The following COL18A1 variants were observed in gnomAD, a reference collection of about 807,000 sequenced individuals.
The protein encoded by COL18A1 is collagen alpha-1(XVIII) chain.
COL18A1 carries 133 observed loss-of-function variants against 168.0 expected under a neutral mutation model. The ratio of observed to expected loss-of-function variants is 0.79; its 90% confidence interval spans 0.69 to 0.91. The LOEUF is 0.91. Among genes scored for constraint, COL18A1 ranks in the 40% least tolerant of loss-of-function variants. The pLI is 0.00. For synonymous variants in COL18A1, 949 were observed against 809.0 expected, an observed-to-expected ratio of 1.17 and a Z score of -2.94; for missense variants, 2,126 against 1,925.4, an observed-to-expected ratio of 1.10 and a Z score of -1.95.
chr21:45,488,148 G>A (rs2145969897), intron 17 of COL18A1, among the ~76,000 whole-genome samples: 1 of 152,364 alleles, frequency 6.6e-6, no homozygotes, highest in South Asian at 2.1e-4. Flanking sequence ...ACAGCGTCCA[G>A]CTTCATGCTC....
intron 2 of COL18A1, among the ~76,000 whole-genome samples, chr21:45,417,753 G>A (rs182193265): frequency 9.2e-5 from 14 of 152,226 alleles, no homozygotes; most frequent in African/African-American, 2.9e-4. Flanking sequence ...AGCCACTGTG[G>A]TCTGGGCAGA....
intron 19 of COL18A1, 27 bp downstream of exon 19, chr21:45,489,548 C>T (rs373573267): frequency 1.1e-4 from 170 of 1,545,896 alleles, no homozygotes; most frequent in Middle Eastern, 1.7e-4. Context: ...GGTTCAGGGA[C>T]GTGGCCAGGC....
chr21:45,480,885 C>T lies in COL18A1; in HGVS notation c.1611+27C>T, dbSNP rs376911739. 90 of 1,597,618 alleles carry T rather than the reference C, an allele frequency of 5.6e-5. 1 individual carries two copies. The Admixed American group carries it at 6.4e-4, about 11-fold the overall frequency. ...TAAGTCCTGCCTCCACCGTCAGTGT[C>T]GGGAGCCCTGTCTGCTGGGAGTGAG... On this transcript the variant is annotated intron_variant, in intron 13 of 41. Transcript: ENST00000651438.
At chr21:45,482,875 G>A (rs2035948810) in intron 15 of COL18A1, 54 bp downstream of exon 15, 4 of 1,613,668 alleles carry the variant, frequency 2.5e-6, no homozygotes, top group Non-Finnish European at 3.4e-6. Context: ...CCCACTCAGT[G>A]CTCGGACCCC....
Position 45,480,067 on chromosome 21 carries a change from C to T in COL18A1, c.1312-3C>T. On this transcript the variant is annotated splice_polypyrimidine_tract_variant and splice_region_variant and intron_variant, in intron 10 of 41. Transcript: ENST00000651438. The stretch of plus-strand genomic sequence containing the variant: ...GTATGATAGGCTTGTCTTGTGTTCC[C>T]AGGGAGACCCTGGGGTTGGAGAGAG... The T allele has an allele frequency of 6.2e-7, 1 of 1,611,000 alleles. No homozygotes were observed. Among genetic ancestry groups the T allele is most frequent in the Non-Finnish European group, 8.5e-7 (1 of 1,177,498 alleles).
rs1431636563 is a variant in COL18A1, at chr21:45,513,451, C to A, written c.*1053C>A. ...GGGACTGAAGGGGAACCCCGGGGTGCCCACAGGCCGCCCTGCGGGTGAACA... is the reference window on the plus strand; with the variant it reads ...GGGACTGAAGGGGAACCCCGGGGTGACCACAGGCCGCCCTGCGGGTGAACA... On this transcript the variant is annotated 3_prime_UTR_variant, in exon 42 of 42. Coordinates refer to ENST00000651438, the MANE Select transcript of COL18A1 (RefSeq NM_001379500.1). 2 of 152,218 alleles carry A rather than the reference C, an allele frequency of 1.3e-5. No homozygotes were observed. Among genetic ancestry groups the A allele is most frequent in the African/African-American group, 4.8e-5 (2 of 41,446 alleles). 9.4% of individuals were successfully genotyped at this position (152,218 alleles called of 1,614,324 possible).
intron 2 of COL18A1, among the ~76,000 whole-genome samples, chr21:45,435,454 C>A (rs1187356171): frequency 1.3e-5 from 2 of 152,082 alleles, no homozygotes; most frequent in Non-Finnish European, 2.9e-5. Flanking sequence ...CCATGGAGTC[C>A]TGGCCTTCCC....
chr21:45,438,245 C>T (rs1449711934), intron 2 of COL18A1, among the ~76,000 whole-genome samples: 1 of 118,088 alleles, frequency 8.5e-6, no homozygotes, highest in Admixed American at 8.1e-5. Flanking sequence ...CAGGCACTCT[C>T]CTGCACACAC....
intron 2 of COL18A1, chr21:45,407,658 T>C (rs1034861869): frequency 2.0e-5 from 3 of 152,326 alleles, no homozygotes; most frequent in Non-Finnish European, 2.9e-5. Flanking sequence ...CAGTTGCTGA[T>C]GCCCATGGCC....
At position 45,505,438 on chromosome 21, in the gene COL18A1, GTC is replaced by G. The variant is rs373823632; in HGVS notation, c.3087+9_3087+10del. The G allele has an allele frequency of 0.017, 25,106 of 1,510,956 alleles. 341 individuals carry two copies. The highest frequency in any genetic ancestry group is 0.045 in the Middle Eastern group (198 of 4,378). 93.6% of individuals were successfully genotyped at this position (1,510,956 alleles called of 1,614,324 possible). A position where few individuals can be genotyped will look rare whatever the true frequency, so the allele number is the denominator to read the frequency against. The stretch of plus-strand genomic sequence containing the variant: ...CATGGGCGCCTCCTCAGGGGTAAGT[GTC>G]TGGGCAGCCGGCTGGGCACCTGCGT... On this transcript the variant is annotated splice_region_variant and intron_variant, in intron 36 of 41. Coordinates refer to ENST00000651438, the MANE Select transcript of COL18A1 (RefSeq NM_001379500.1).
chr21:45,419,275 A>T (rs2033546959), intron 2 of COL18A1, among the ~76,000 whole-genome samples: 1 of 151,572 alleles, frequency 6.6e-6, no homozygotes, highest in Admixed American at 6.6e-5. Context: ...CCGTGTAGTG[A>T]CGTGATGCCG....
In COL18A1 at chr21:45,451,615, G is replaced by C. The variant is rs562960356; in HGVS notation, c.107-16627G>C. ...TGGTTAACGTTGCCTTTGTTGAGTC[G>C]AATGAGGACGCCACGTTCTGCACTC... On this transcript the variant is annotated intron_variant, in intron 2 of 41. Transcript: ENST00000651438. Among the ~76,000 whole-genome samples the C allele has an allele frequency of 3.9e-5, 6 of 152,320 alleles. No homozygotes were observed. In the East Asian group the frequency reaches 9.6e-4, roughly 24 times the overall value.
chr21:45,409,452 G>T (rs1030394346), intron 2 of COL18A1, among the ~76,000 whole-genome samples: 1 of 152,124 alleles, frequency 6.6e-6, no homozygotes, highest in Non-Finnish European at 1.5e-5. Context: ...GGGCTTGGGT[G>T]CTCCTCTTAT....
chr21:45,445,825 C>A (rs919887007), intron 2 of COL18A1, among the ~76,000 whole-genome samples: 1 of 152,126 alleles, frequency 6.6e-6, no homozygotes, highest in African/African-American at 2.4e-5. Flanking sequence ...TTTATGAGTT[C>A]TTTACATCAT....
chr21:45,441,137 C>T (rs940477711), intron 2 of COL18A1, among the ~76,000 whole-genome samples: 2 of 152,144 alleles, frequency 1.3e-5, no homozygotes, highest in African/African-American at 2.4e-5. Flanking sequence ...CCACTATGGG[C>T]GGAATCTGCT....
intron 7 of COL18A1, 28 bp from the exon 8 acceptor site, chr21:45,477,722 C>T (rs1003202354): frequency 5.9e-6 from 9 of 1,515,244 alleles, no homozygotes; most frequent in Non-Finnish European, 8.0e-6. Context: ...CCACCCCAGC[C>T]CGAGCCCTGT....
At chr21:45,406,117 G>A (rs776454421) in intron 2 of COL18A1, among the ~76,000 whole-genome samples, 1 of 152,220 alleles carries the variant, frequency 6.6e-6, no homozygotes, top group African/African-American at 2.4e-5. Context: ...GGGCCCGTGG[G>A]GACCTTCCTG....
intron 2 of COL18A1, among the ~76,000 whole-genome samples, chr21:45,439,488 A>G (rs1462076273): frequency 3.3e-5 from 5 of 152,252 alleles, no homozygotes; most frequent in African/African-American, 1.2e-4. Context: ...CGACGAAACC[A>G]AGAGCAAAGT....
chr21:45,428,833 C>T (rs373191235), intron 2 of COL18A1, among the ~76,000 whole-genome samples: 5 of 152,048 alleles, frequency 3.3e-5, no homozygotes, highest in African/African-American at 9.7e-5. Context: ...AGATTCTCTA[C>T]GTTTTAAAGC....
Sources: gnomAD v4.1 joint callset for allele counts (sites outside exome capture counted in the v4.1 genomes callset) on GRCh38, gnomAD v4.1.1 for gene constraint, MANE v1.5 for transcripts, NCBI Gene and HGNC (gene_info 2026-07-23, HGNC 2026-07-21) for gene names.